The following CDH18 variants were observed in gnomAD, a reference collection of about 807,000 sequenced individuals.
CDH18 encodes the protein cadherin 18.
Under a neutral mutation model 67.9 loss-of-function variants are expected in CDH18, and 31 were observed. The observed-to-expected ratio is 0.46, with a 90% confidence interval of 0.34 to 0.62. The LOEUF (loss-of-function observed/expected upper bound fraction) is 0.62, where lower values mean the gene tolerates loss of function less well. Ranked by LOEUF, CDH18 falls within the 20% of genes least tolerant of loss-of-function variation. The pLI, the probability that CDH18 is intolerant of heterozygous loss-of-function variation, is 0.01. For missense variants in CDH18, 890 were observed against 975.5 expected (o/e 0.91, Z 1.17); for synonymous variants, 362 against 347.2 (o/e 1.04, Z -0.48).
Position 19,577,734 on chromosome 5 carries a change from T to C in CDH18, c.1000-5902A>G, listed in dbSNP as rs114636860. On this transcript the variant is annotated intron_variant, in intron 7 of 12. Coordinates refer to ENST00000382275, the MANE Select transcript of CDH18 (RefSeq NM_004934.5). ...GATGTTGGGATGGGGTAAACACTAC[T>C]GTACACATGGGAAGGACATGGCTTT... Among the ~76,000 whole-genome samples, 790 of 152,272 alleles carry C rather than the reference T, an allele frequency of 5.2e-3. 3 individuals carry two copies. Among genetic ancestry groups the C allele is most frequent in the African/African-American group, 0.018 (759 of 41,548 alleles).
At chr5:20,335,314 T>A (rs1368449619) in intron 1 of CDH18, among the ~76,000 whole-genome samples, 4 of 152,324 alleles carry the variant, frequency 2.6e-5, no homozygotes, top group Non-Finnish European at 4.4e-5. Context: ...TTCACACAGT[T>A]AATTTCCTTC....
At chr5:20,530,134 C>T (rs1028544310) in intron 1 of CDH18, among the ~76,000 whole-genome samples, 8 of 151,916 alleles carry the variant, frequency 5.3e-5, no homozygotes, top group Non-Finnish European at 5.9e-5. Context: ...AACTCCCATT[C>T]ACAGTTGCCA....
chr5:19,628,782 T>G lies in CDH18; in HGVS notation c.644-16181A>C, dbSNP rs536575750. 3.9e-5 allele frequency among the ~76,000 whole-genome samples: 6 copies of G among 152,252 alleles called. No individual in the cohort carries two copies. The East Asian group carries it at 1.2e-3, about 29-fold the overall frequency. On this transcript the variant is annotated intron_variant, in intron 5 of 12. Coordinates refer to ENST00000382275, the MANE Select transcript of CDH18 (RefSeq NM_004934.5). ...AATAGTAATATAAATATGACCAGCA[T>G]AAAGATACTACTTAAAGCCCTTAAC... is the stretch of plus-strand genomic sequence containing the variant.
chr5:20,055,855 T>C (rs1189290247), intron 2 of CDH18, among the ~76,000 whole-genome samples: 1 of 152,146 alleles, frequency 6.6e-6, no homozygotes, highest in Non-Finnish European at 1.5e-5. Flanking sequence ...ATAACAGGCA[T>C]GTATAAGCAT....
At chr5:20,250,434 A>G (rs1236269745) in intron 2 of CDH18, among the ~76,000 whole-genome samples, 1 of 151,432 alleles carries the variant, frequency 6.6e-6, no homozygotes, top group Non-Finnish European at 1.5e-5. Context: ...CTGGGACTGC[A>G]GGCGCCCGCC....
intron 1 of CDH18, among the ~76,000 whole-genome samples, chr5:20,423,972 A>AAC (rs70954655): frequency 6.9e-6 from 1 of 145,626 alleles, no homozygotes; most frequent in Non-Finnish European, 1.5e-5. Flanking sequence ...AAAAAAAAAA[A>AAC]TTGTCCTAGA....
intron 1 of CDH18, among the ~76,000 whole-genome samples, chr5:20,431,251 G>A (rs1748708922): frequency 6.6e-6 from 1 of 152,018 alleles, no homozygotes; most frequent in African/African-American, 2.4e-5. Flanking sequence ...AGCACTTTGG[G>A]AGGCCATGAT....
intron 2 of CDH18, among the ~76,000 whole-genome samples, chr5:20,184,368 T>C (rs1393042477): frequency 1.3e-5 from 2 of 152,140 alleles, no homozygotes; most frequent in Admixed American, 6.6e-5. Context: ...TTATTCACTG[T>C]AACTTTCTCT....
At chr5:20,267,194 G>A (rs751447300) in intron 1 of CDH18, among the ~76,000 whole-genome samples, 7 of 152,162 alleles carry the variant, frequency 4.6e-5, no homozygotes, top group Admixed American at 1.3e-4. Context: ...AACGAGGTCC[G>A]TTTCCCAAAG....
intron 1 of CDH18, among the ~76,000 whole-genome samples, chr5:20,402,279 T>G (rs751683219): frequency 2.0e-5 from 3 of 152,200 alleles, no homozygotes; most frequent in Non-Finnish European, 4.4e-5. Flanking sequence ...ACTCTGTGTA[T>G]TTGGTCATTG....
intron 5 of CDH18, among the ~76,000 whole-genome samples, chr5:19,613,033 C>T (rs1305224076): frequency 2.0e-5 from 3 of 152,018 alleles, no homozygotes; most frequent in African/African-American, 7.2e-5. Context: ...GTAATCCCAG[C>T]TACTCATGAG....
At chr5:19,572,361 T>G (rs1315601087) in intron 7 of CDH18, among the ~76,000 whole-genome samples, 1 of 152,198 alleles carries the variant, frequency 6.6e-6, no homozygotes, top group East Asian at 1.9e-4. Context: ...AACAGCAGAA[T>G]AGAGAATTTT....
At chr5:19,517,860 C>T (rs756415785) in intron 10 of CDH18, among the ~76,000 whole-genome samples, 2 of 151,892 alleles carry the variant, frequency 1.3e-5, no homozygotes, top group Non-Finnish European at 2.9e-5. Context: ...TTCCATGCTT[C>T]AACATGGATT....
intron 6 of CDH18, among the ~76,000 whole-genome samples, chr5:19,597,604 C>T (rs1293382554): frequency 6.6e-6 from 1 of 151,368 alleles, no homozygotes; most frequent in African/African-American, 2.4e-5. Context: ...ATATTTCTAA[C>T]AGAAAAAAAA....
chr5:19,985,540 T>C (rs1198804536), intron 1 of CDH18, among the ~76,000 whole-genome samples: 1 of 151,986 alleles, frequency 6.6e-6, no homozygotes, highest in Non-Finnish European at 1.5e-5. Flanking sequence ...TACTGGGATC[T>C]AGTGGGTAGA....
chr5:19,921,468 T>C (rs935443775), intron 2 of CDH18, among the ~76,000 whole-genome samples: 1 of 151,570 alleles, frequency 6.6e-6, no homozygotes, highest in Non-Finnish European at 1.5e-5. Flanking sequence ...GAGGCAGAGC[T>C]TGCAGTGAGC....
chr5:19,785,680 ATATATATATATATATATATAT>A (rs1197416284), intron 3 of CDH18, among the ~76,000 whole-genome samples: 12 of 13,162 alleles, frequency 9.1e-4, no homozygotes, highest in African/African-American at 1.6e-3. Flanking sequence ...AAAAAAAAAA[ATATATATATATATATATATAT>A]ATATATATAT....
intron 1 of CDH18, among the ~76,000 whole-genome samples, chr5:20,478,236 A>C (rs1413786937): frequency 6.6e-6 from 1 of 152,014 alleles, no homozygotes; most frequent in Non-Finnish European, 1.5e-5. Flanking sequence ...AGAGTAAGGG[A>C]GACATTGAGA....
intron 5 of CDH18, among the ~76,000 whole-genome samples, chr5:19,686,060 A>G (rs2150402451): frequency 6.6e-6 from 1 of 152,274 alleles, no homozygotes; most frequent in African/African-American, 2.4e-5. Flanking sequence ...TAGTCAACTG[A>G]CAGGATACTT....
Sources: gnomAD v4.1 joint callset for allele counts (sites outside exome capture counted in the v4.1 genomes callset) on GRCh38, gnomAD v4.1.1 for gene constraint, MANE v1.5 for transcripts, NCBI Gene and HGNC (gene_info 2026-07-23, HGNC 2026-07-21) for gene names.